The following NHSL1 variants were observed in gnomAD, a reference collection of about 807,000 sequenced individuals.
The protein encoded by NHSL1 is NHS like 1.
In NHSL1, 48 loss-of-function variants were observed where a neutral mutation model predicts 95.0. The ratio of observed to expected loss-of-function variants is 0.51; its 90% CI spans 0.40 to 0.64. NHSL1 has a LOEUF of 0.64. NHSL1 is among the 30% of genes least tolerant of loss of function. The pLI is 0.00. For synonymous variants in NHSL1, 783 were observed against 833.9 expected (o/e 0.94, Z 1.05); for missense variants, 1,971 against 2,077.7 (o/e 0.95, Z 1.00).
At chr6:138,514,334 C>T (rs192949109) in intron 1 of NHSL1, among the ~76,000 whole-genome samples, 1 of 151,604 alleles carries the variant, frequency 6.6e-6, no homozygotes, top group East Asian at 1.9e-4. Flanking sequence ...AACAAACAAA[C>T]AAACAAACAA....
At chr6:138,482,413 T>C (rs1779475183) in intron 2 of NHSL1, among the ~76,000 whole-genome samples, 1 of 130,164 alleles carries the variant, frequency 7.7e-6, no homozygotes, top group South Asian at 2.4e-4. Flanking sequence ...ACCACTGCAC[T>C]CCAGCCTGGG....
At chr6:138,674,319 GTTTTT>G (rs1464797698) in intron 1 of NHSL1, among the ~76,000 whole-genome samples, 1 of 150,726 alleles carries the variant, frequency 6.6e-6, no homozygotes, top group Non-Finnish European at 1.5e-5. Context: ...TTTATTGTGT[GTTTTT>G]TTTTAAGTTT....
intron 1 of NHSL1, among the ~76,000 whole-genome samples, chr6:138,542,714 G>C (rs1334154496): frequency 6.6e-6 from 1 of 152,170 alleles, no homozygotes; most frequent in African/African-American, 2.4e-5. Flanking sequence ...GTGTAATTAT[G>C]TTCCACGTAG....
Position 138,447,039 on chromosome 6 carries a change from T to C in NHSL1, c.494A>G (p.Gln165Arg). 1 of 1,551,744 alleles carries C rather than the reference T, an allele frequency of 6.4e-7. No homozygotes were observed. The highest frequency in any genetic ancestry group is 1.2e-5 in the South Asian group (1 of 84,064). ...TPEEKMRQQA[Q>R]TVQADVVPIN... is the part of the protein sequence containing the mutation. ...AGGCACCACGTCAGCCTGGACTGTTTGGGCTTGCTGTCGCATCTTCTCTTC... is the reference window on the plus strand; with the variant it reads ...AGGCACCACGTCAGCCTGGACTGTTCGGGCTTGCTGTCGCATCTTCTCTTC... The change falls in exon 4 of 8, where the codon CAA (glutamine) becomes CGA (arginine). Residue 165 changes from glutamine (Q) to arginine (R), a missense_variant. Transcript: ENST00000343505.
At chr6:138,607,892 A>T (rs1052870675) in intron 1 of NHSL1, among the ~76,000 whole-genome samples, 24 of 152,256 alleles carry the variant, frequency 1.6e-4, no homozygotes, top group African/African-American at 5.8e-4. Flanking sequence ...GATAAGTGAC[A>T]GAAGGAGGGA....
At chr6:138,662,937 A>C (rs114447720) in intron 1 of NHSL1, among the ~76,000 whole-genome samples, 1,586 of 152,010 alleles carry the variant, frequency 0.01, 30 homozygotes, top group African/African-American at 0.036. Context: ...AAATAGCAAA[A>C]ACCCCCTTTA....
In NHSL1 at chr6:138,432,658, C is replaced by G; in HGVS notation, c.1687G>C (p.Ala563Pro). The G allele has an allele frequency of 6.4e-7, 1 of 1,551,684 alleles. No homozygotes were observed. The highest frequency in any genetic ancestry group is 8.7e-7 in the Non-Finnish European group (1 of 1,146,980). ...WEYKSSGNGR[A>P]SPLKPHLATP... is the part of the protein sequence containing the mutation. ...GCTAAATGCGGCTTCAGGGGGGATG[C>G]CCTTCCATTACCTGAGGATTTGTAT... Residue 563 changes from alanine (A) to proline (P), a missense_variant, in exon 6 of 8, where the codon GCA becomes CCA. By Grantham distance (27) the Ala-to-Pro change is conservative. This residue lies in a region of NHSL1 where 1,602 missense variants were observed against 1,654.5 expected (regional missense o/e 0.97). Transcript: ENST00000343505. The surrounding 1 kb of genome is among the most constrained non-coding windows in gnomAD (Gnocchi z 4.4).
chr6:138,472,183 CAA>C (rs10668786), intron 3 of NHSL1, among the ~76,000 whole-genome samples: 42 of 92,418 alleles, frequency 4.5e-4, no homozygotes, highest in East Asian at 4.5e-3. Context: ...AAGATCTCAC[CAA>C]AAAAAAAAAA....
chr6:138,685,705 A>T (rs1036746499), intron 1 of NHSL1, among the ~76,000 whole-genome samples: 1 of 151,958 alleles, frequency 6.6e-6, no homozygotes, highest in Admixed American at 6.6e-5. Flanking sequence ...TAAATAAATA[A>T]TTTTTTAATG....
At chr6:138,520,407 C>T (rs1781631443) in intron 1 of NHSL1, among the ~76,000 whole-genome samples, 1 of 150,778 alleles carries the variant, frequency 6.6e-6, no homozygotes, top group South Asian at 2.1e-4. Flanking sequence ...TCCTGCCCTC[C>T]ACCTTCCAAG....
chr6:138,546,721 T>G (rs149851261), upstream of NHSL1, among the ~76,000 whole-genome samples: 877 of 152,310 alleles, frequency 5.8e-3, 22 homozygotes, highest in Admixed American at 0.048. Flanking sequence ...AGGAAACAAA[T>G]GCAGCATTAG....
chr6:138,489,240 C>T (rs1297738705), intron 2 of NHSL1, among the ~76,000 whole-genome samples: 1 of 152,208 alleles, frequency 6.6e-6, no homozygotes, highest in African/African-American at 2.4e-5. Context: ...ACACTTATAA[C>T]TTCCACATTG....
intron 1 of NHSL1, among the ~76,000 whole-genome samples, chr6:138,602,562 G>A (rs1409811357): frequency 3.3e-5 from 5 of 152,072 alleles, no homozygotes; most frequent in African/African-American, 4.8e-5. Context: ...AGCTGCTCTC[G>A]AACTCCTGAC....
chr6:138,433,695 G>GA lies in NHSL1; in HGVS notation c.665-16dup, dbSNP rs1775873596. 1.3e-6 allele frequency: 2 copies of GA among 1,505,336 alleles called. No homozygotes were observed. The highest frequency in any genetic ancestry group is 5.0e-5 in the East Asian group (2 of 40,170). The allele number at this position is 1,505,336 out of a possible 1,614,324, so 93.2% of individuals were successfully genotyped here. On this transcript the variant is annotated splice_polypyrimidine_tract_variant and intron_variant, in intron 5 of 7. Coordinates refer to ENST00000343505, the MANE Select transcript of NHSL1 (RefSeq NM_001144060.2). The stretch of plus-strand genomic sequence containing the variant: ...AGTGCCTGATGCTGGAGATAAAGCA[G>GA]AAAGAGGCTTGTTACCTGAAAATAA...
rs1199352086 is a variant in NHSL1, at chr6:138,437,331, TATATATATATACACATATATATATACAC to T, written c.665-3679_665-3652del. Among the ~76,000 whole-genome samples, 215 of 58,022 alleles carry T rather than the reference TATATATATATACACATATATATATACAC, an allele frequency of 3.7e-3. 25 individuals carry two copies. The highest frequency in any genetic ancestry group is 0.016 in the African/African-American group (204 of 13,040). The allele number at this position is 58,022 out of a possible 152,430, so 38.1% of individuals were successfully genotyped here. A position where few individuals can be genotyped will look rare whatever the true frequency, so the allele number is the denominator to read the frequency against. On this transcript the variant is annotated intron_variant, in intron 5 of 7. Coordinates refer to ENST00000343505, the MANE Select transcript of NHSL1 (RefSeq NM_001144060.2). ...ATATATATATATATACACACACACATATATATATATACACATATATATATACACATATATATATATACACATATATATA... is the reference window on the plus strand; with the variant it reads ...ATATATATATATATACACACACACATATATATATATATACACATATATATA...
At chr6:138,471,864 C>G (rs1483672286) in intron 3 of NHSL1, among the ~76,000 whole-genome samples, 1 of 152,052 alleles carries the variant, frequency 6.6e-6, no homozygotes, top group Non-Finnish European at 1.5e-5. Flanking sequence ...ATAATTATGA[C>G]TTATCAATTT....
rs1272043646 is a variant in NHSL1, at chr6:138,533,246, T to TAATTTCATTTCAAATTTC, written c.16+12376_16+12377insGAAATTTGAAATGAAATT. ...CAAAGGGTAGAAAGACCAAATGAAA[T>TAATTTCATTTCAAATTTC]AAAATTTCAATGAATATTATTATTT... On this transcript the variant is annotated intron_variant, in intron 1 of 4. Coordinates refer to the NHSL1 transcript ENST00000342260. Among the ~76,000 whole-genome samples the TAATTTCATTTCAAATTTC allele has an allele frequency of 1.9e-4, 29 of 152,090 alleles. 2 individuals carry two copies. Among genetic ancestry groups the TAATTTCATTTCAAATTTC allele is most frequent in the Admixed American group, 1.9e-3 (29 of 15,272 alleles).
intron 1 of NHSL1, among the ~76,000 whole-genome samples, chr6:138,544,401 G>A (rs1180952598): frequency 6.6e-6 from 1 of 151,768 alleles, no homozygotes; most frequent in African/African-American, 2.4e-5. Flanking sequence ...TTGAATGCTT[G>A]AGGACAGAAA....
At chr6:138,690,073 C>G (rs1181805172) in intron 1 of NHSL1, among the ~76,000 whole-genome samples, 2 of 152,222 alleles carry the variant, frequency 1.3e-5, no homozygotes, top group African/African-American at 4.8e-5. Context: ...AACTGCAATG[C>G]TGTTGGACTG....
Sources: gnomAD v4.1 joint callset for allele counts (sites outside exome capture counted in the v4.1 genomes callset) on GRCh38, gnomAD v4.1.1 for gene constraint, gnomAD v4.1.1 regional missense constraint, Gnocchi (gnomAD v3.1) non-coding constraint, MANE v1.5 for transcripts, NCBI Gene and HGNC (gene_info 2026-07-23, HGNC 2026-07-21) for gene names.